Variants in TAFA4 observed in about 807,000 individuals in gnomAD.
TAFA4 encodes TAFA chemokine like family member 4.
Under a neutral mutation model 21.1 loss-of-function variants are expected in TAFA4, and 20 were observed. The observed-to-expected ratio is 0.95, with a 90% CI of 0.67 to 1.38. The LOEUF (loss-of-function observed/expected upper bound fraction) is 1.38. TAFA4 is among the 40% of genes most tolerant of loss of function. The pLI is 0.00. For missense variants in TAFA4, 211 were observed against 180.9 expected (o/e 1.17, Z -0.95); for synonymous variants, 71 against 67.4 (o/e 1.05, Z -0.26).
At chr3:68,884,505 A>C (rs1428522165) in intron 2 of TAFA4, among the ~76,000 whole-genome samples, 1 of 152,206 alleles carries the variant, frequency 6.6e-6, no homozygotes, top group Non-Finnish European at 1.5e-5. Flanking sequence ...AGGGGATGGC[A>C]GTGGCTTCCT....
At chr3:68,835,133 C>T (rs1211990691) in intron 3 of TAFA4, among the ~76,000 whole-genome samples, 1 of 152,144 alleles carries the variant, frequency 6.6e-6, no homozygotes, top group Non-Finnish European at 1.5e-5. Flanking sequence ...ACCTGGAACA[C>T]CTGGCCCCCA....
At chr3:68,738,968 G>C in intron 5 of TAFA4, 107 bp downstream of exon 5, 1 of 1,491,078 alleles carries the variant, frequency 6.7e-7, no homozygotes, top group Non-Finnish European at 9.0e-7. Context: ...GCCCAAGCAG[G>C]TTTATTAACA....
intron 3 of TAFA4, among the ~76,000 whole-genome samples, chr3:68,813,893 T>C (rs1703901157): frequency 1.3e-5 from 2 of 152,168 alleles, no homozygotes; most frequent in South Asian, 2.1e-4. Flanking sequence ...ATATCACTGA[T>C]GAACATCGAG....
intron 3 of TAFA4, among the ~76,000 whole-genome samples, chr3:68,817,993 G>A (rs1016955338): frequency 6.6e-6 from 1 of 152,128 alleles, no homozygotes; most frequent in Non-Finnish European, 1.5e-5. Flanking sequence ...GAGCCTAGCA[G>A]TGACTACTTT....
At chr3:68,735,703 C>G (rs1341049780) in intron 5 of TAFA4, among the ~76,000 whole-genome samples, 2 of 151,650 alleles carry the variant, frequency 1.3e-5, no homozygotes, top group Non-Finnish European at 2.9e-5. Context: ...ACAAATTTTC[C>G]AATATGAAAT....
chr3:68,757,160 G>C (rs1311447030), intron 3 of TAFA4, among the ~76,000 whole-genome samples: 1 of 152,060 alleles, frequency 6.6e-6, no homozygotes, highest in Non-Finnish European at 1.5e-5. Flanking sequence ...CAGCTCTGGA[G>C]ACAGAGTCCA....
At chr3:68,828,259 A>G (rs1029784813) in intron 3 of TAFA4, among the ~76,000 whole-genome samples, 5 of 152,182 alleles carry the variant, frequency 3.3e-5, no homozygotes, top group African/African-American at 1.2e-4. Context: ...TACCAGTACC[A>G]TGCTGTTTCG....
chr3:68,767,392 G>T (rs1265946214), intron 3 of TAFA4, among the ~76,000 whole-genome samples: 2 of 151,852 alleles, frequency 1.3e-5, no homozygotes, highest in South Asian at 2.1e-4. Context: ...AAATGATCTC[G>T]GGAACAATAG....
At chr3:68,856,236 G>A (rs536617745) in intron 3 of TAFA4, among the ~76,000 whole-genome samples, 1 of 152,168 alleles carries the variant, frequency 6.6e-6, no homozygotes, top group Admixed American at 6.5e-5. Flanking sequence ...AGAAAACTAG[G>A]TAGGAGCATG....
At chr3:68,909,180 C>A (rs1156896239) in intron 1 of TAFA4, among the ~76,000 whole-genome samples, 1 of 151,922 alleles carries the variant, frequency 6.6e-6, no homozygotes, top group Non-Finnish European at 1.5e-5. Context: ...GCAAACCCCC[C>A]AAAAAAAAAA....
At chr3:68,804,618 G>C (rs903662721) in intron 3 of TAFA4, among the ~76,000 whole-genome samples, 6 of 152,130 alleles carry the variant, frequency 3.9e-5, no homozygotes, top group Admixed American at 6.6e-5. Context: ...TAGATCAATG[G>C]AAGAGAACAG....
At chr3:68,819,274 T>TAAAAA (rs59090610) in intron 3 of TAFA4, among the ~76,000 whole-genome samples, 17 of 109,316 alleles carry the variant, frequency 1.6e-4, no homozygotes, top group African/African-American at 3.0e-4. Flanking sequence ...TGTCTTTAAT[T>TAAAAA]AAAAAAAAAA....
chr3:68,751,551 T>G (rs1046592423), intron 4 of TAFA4, among the ~76,000 whole-genome samples: 4 of 152,212 alleles, frequency 2.6e-5, no homozygotes, highest in African/African-American at 9.7e-5. Flanking sequence ...CATATTTCTT[T>G]TAAATGCCAT....
intron 3 of TAFA4, among the ~76,000 whole-genome samples, chr3:68,798,788 T>C (rs748738100): frequency 2.3e-4 from 35 of 152,084 alleles, no homozygotes; most frequent in Non-Finnish European, 4.3e-4. Flanking sequence ...TAAAACTACA[T>C]ACAAGATAAA....
chr3:68,734,918 C>G (rs1364356843), intron 5 of TAFA4, among the ~76,000 whole-genome samples: 1 of 152,116 alleles, frequency 6.6e-6, no homozygotes, highest in African/African-American at 2.4e-5. Context: ...CTATGCCCAG[C>G]TCATTTTGGA....
chr3:68,765,784 A>G (rs1430395088), intron 3 of TAFA4, among the ~76,000 whole-genome samples: 3 of 152,132 alleles, frequency 2.0e-5, no homozygotes, highest in African/African-American at 7.2e-5. Context: ...TGGAGGATGG[A>G]AAGCAGGTGG....
intron 3 of TAFA4, among the ~76,000 whole-genome samples, chr3:68,765,510 C>G (rs1280561032): frequency 6.6e-6 from 1 of 152,248 alleles, no homozygotes; most frequent in South Asian, 2.1e-4. Context: ...CATTAAGTAT[C>G]TAAGTCCAGA....
In TAFA4 at chr3:68,788,663, G is replaced by A. The variant is rs147529262; in HGVS notation, c.131-35645C>T. Among the ~76,000 whole-genome samples the A allele has an allele frequency of 9.9e-3, 1,510 of 152,230 alleles. 13 individuals are homozygous for A. The highest frequency in any genetic ancestry group is 0.015 in the Non-Finnish European group (1,049 of 68,004). ...GTCTCACTTCATCACCCAAGCTGGA[G>A]TGCAGTGGCATCATCATAGATCACT... On this transcript the variant is annotated intron_variant, in intron 3 of 5. Coordinates refer to ENST00000295569, the MANE Select transcript of TAFA4 (RefSeq NM_182522.5).
At chr3:68,804,007 C>G (rs1327566012) in intron 3 of TAFA4, among the ~76,000 whole-genome samples, 7 of 151,650 alleles carry the variant, frequency 4.6e-5, no homozygotes, top group Non-Finnish European at 8.8e-5. Context: ...AGGCTGGTCT[C>G]GAACTCCTGA....
Sources: gnomAD v4.1 joint callset for allele counts (sites outside exome capture counted in the v4.1 genomes callset) on GRCh38, gnomAD v4.1.1 for gene constraint, MANE v1.5 for transcripts, NCBI Gene and HGNC (gene_info 2026-07-23, HGNC 2026-07-21) for gene names.